The following ATF1 variants were observed in gnomAD, a reference collection of about 807,000 sequenced individuals.
ATF1 encodes cyclic AMP-dependent transcription factor ATF-1.
ATF1 carries 16 observed loss-of-function variants against 34.7 expected under a neutral mutation model. That is an observed-to-expected ratio of 0.46 (90% CI 0.31 to 0.70). ATF1 has a LOEUF of 0.70. Ranked by LOEUF, ATF1 falls within the 30% of genes least tolerant of loss-of-function variation. The probability of loss-of-function intolerance (pLI) is 0.05; values close to 1 mark genes in which losing one functional copy is unlikely to be tolerated. For synonymous variants in ATF1, 105 were observed against 113.1 expected (o/e 0.93, Z 0.46); for missense variants, 255 against 321.6 (o/e 0.79, Z 1.58).
intron 1 of ATF1, among the ~76,000 whole-genome samples, chr12:50,769,485 G>A (rs1285299044): frequency 1.3e-5 from 2 of 151,452 alleles, no homozygotes; most frequent in African/African-American, 4.9e-5. Flanking sequence ...TCCAGCCTGG[G>A]TGACAGAGCG....
intron 1 of ATF1, among the ~76,000 whole-genome samples, chr12:50,776,833 T>C (rs953884542): frequency 2.6e-5 from 4 of 152,290 alleles, no homozygotes; most frequent in South Asian, 2.1e-4. Context: ...ATACAATTTA[T>C]GCACATTCCC....
chr12:50,765,441 C>T (rs1270236150), intron 1 of ATF1, among the ~76,000 whole-genome samples: 3 of 152,184 alleles, frequency 2.0e-5, no homozygotes, highest in African/African-American at 4.8e-5. Context: ...CATTCCTACC[C>T]GATCACCAGC....
chr12:50,814,274 A>T lies in ATF1; in HGVS notation c.512-6A>T, dbSNP rs750462212. On this transcript the variant is annotated splice_polypyrimidine_tract_variant and splice_region_variant and intron_variant, in intron 5 of 6. Transcript: ENST00000262053. ...ACTAACTCATTCACTCTTGTTTACC[A>T]TCTAGCTGCATCAGGAGATATGCAA... is the stretch of plus-strand genomic sequence containing the variant. 2.2e-5 allele frequency: 35 copies of T among 1,614,018 alleles called. No individual in the cohort carries two copies. Among genetic ancestry groups the T allele is most frequent in the Non-Finnish European group, 3.0e-5 (35 of 1,180,008 alleles).
chr12:50,777,554 T>G (rs535999133), intron 1 of ATF1, among the ~76,000 whole-genome samples: 5 of 152,214 alleles, frequency 3.3e-5, no homozygotes, highest in Admixed American at 6.5e-5. Flanking sequence ...CAGACAGTAA[T>G]TACTTGAGCC....
chr12:50,766,657 T>TC (rs1940643584), intron 1 of ATF1, among the ~76,000 whole-genome samples: 1 of 69,756 alleles, frequency 1.4e-5, no homozygotes, highest in African/African-American at 5.6e-5. Context: ...CCCTCCCCCC[T>TC]CCCCCCATAA....
intron 2 of ATF1, among the ~76,000 whole-genome samples, chr12:50,789,474 G>A (rs1941255908): frequency 1.3e-5 from 2 of 152,042 alleles, no homozygotes; most frequent in Non-Finnish European, 2.9e-5. Context: ...GAAGTAGTAT[G>A]AAGTTCTGGC....
chr12:50,807,115 G>A lies in ATF1; in HGVS notation c.195-2341G>A, dbSNP rs190241093. Among the ~76,000 whole-genome samples the A allele has an allele frequency of 2.6e-5, 4 of 152,260 alleles. No homozygotes were observed. In the East Asian group the frequency reaches 5.8e-4, roughly 22 times the overall value. Reference sequence around the variant, plus strand: ...AAGTAGGGCATGGATATAGAATTGGGATTAGGCTTAAATTTCTTGCTGTGA... The same window carrying A: ...AAGTAGGGCATGGATATAGAATTGGAATTAGGCTTAAATTTCTTGCTGTGA... On this transcript the variant is annotated intron_variant, in intron 3 of 6. Transcript: ENST00000262053.
At chr12:50,781,578 G>GC (rs1157480105) in intron 2 of ATF1, among the ~76,000 whole-genome samples, 1 of 152,036 alleles carries the variant, frequency 6.6e-6, no homozygotes, top group Non-Finnish European at 1.5e-5. Flanking sequence ...AGCCTCCCGA[G>GC]TAGCTGGGAT....
chr12:50,789,386 G>A (rs950512731), intron 2 of ATF1, among the ~76,000 whole-genome samples: 6 of 151,912 alleles, frequency 3.9e-5, no homozygotes, highest in African/African-American at 1.2e-4. Context: ...ATTTTTATTT[G>A]TTCCTGCTCT....
intron 2 of ATF1, among the ~76,000 whole-genome samples, chr12:50,780,786 C>T (rs1368992501): frequency 6.6e-6 from 1 of 151,942 alleles, no homozygotes; most frequent in Non-Finnish European, 1.5e-5. Context: ...CATGGCGAAA[C>T]CCTGTCTCTA....
intron 1 of ATF1, among the ~76,000 whole-genome samples, chr12:50,768,271 C>T (rs1940688478): frequency 6.6e-6 from 1 of 152,166 alleles, no homozygotes; most frequent in Non-Finnish European, 1.5e-5. Context: ...CTATTCTCTT[C>T]TCCTCTGTGA....
intron 4 of ATF1, among the ~76,000 whole-genome samples, chr12:50,813,182 G>A (rs1188295830): frequency 6.6e-6 from 1 of 152,166 alleles, no homozygotes; most frequent in Non-Finnish European, 1.5e-5. Flanking sequence ...AAAAATGTTT[G>A]TGGGGAGCTA....
intron 3 of ATF1, among the ~76,000 whole-genome samples, chr12:50,796,298 G>A (rs118083436): frequency 0.017 from 2,664 of 152,314 alleles, 38 homozygotes; most frequent in Non-Finnish European, 0.027. Flanking sequence ...AGAGGCTAAG[G>A]CGGGAAGATG....
intron 1 of ATF1, among the ~76,000 whole-genome samples, chr12:50,777,433 A>T (rs562625987): frequency 6.6e-6 from 1 of 152,160 alleles, no homozygotes; most frequent in Non-Finnish European, 1.5e-5. Context: ...AAGCGATTTC[A>T]TGCTTTTCTC....
At chr12:50,805,860 A>C (rs2139683693) in intron 3 of ATF1, among the ~76,000 whole-genome samples, 1 of 152,116 alleles carries the variant, frequency 6.6e-6, no homozygotes, top group Admixed American at 6.5e-5. Context: ...GTGTTGAGAA[A>C]AAAAATAAAG....
chr12:50,802,642 G>C (rs1331818821), intron 3 of ATF1, among the ~76,000 whole-genome samples: 2 of 152,026 alleles, frequency 1.3e-5, no homozygotes, highest in Non-Finnish European at 2.9e-5. Flanking sequence ...GGAGGTCAAG[G>C]TGGGGCAGAT....
rs1228259826 is a variant in ATF1, at chr12:50,819,837, T to G, written c.*58T>G. 1 of 1,371,230 alleles carries G rather than the reference T, an allele frequency of 7.3e-7. No homozygotes were observed. Among genetic ancestry groups the G allele is most frequent in the Non-Finnish European group, 1.0e-6 (1 of 1,002,222 alleles). 84.9% of individuals were successfully genotyped at this position (1,371,230 alleles called of 1,614,324 possible). The stretch of plus-strand genomic sequence containing the variant: ...CATAAAAATTAAATGGATTTCCTAG[T>G]GGAGTTTTATAAATTAAAAGGTCAA... On this transcript the variant is annotated 3_prime_UTR_variant, in exon 7 of 7. Transcript: ENST00000262053.
At chr12:50,777,940 T>C (rs1337238797) in intron 1 of ATF1, among the ~76,000 whole-genome samples, 1 of 145,986 alleles carries the variant, frequency 6.8e-6, no homozygotes, top group African/African-American at 2.5e-5. Flanking sequence ...TACTATCTTT[T>C]TTTTTTTTTT....
chr12:50,803,224 C>T (rs1941548375), intron 3 of ATF1, among the ~76,000 whole-genome samples: 1 of 150,596 alleles, frequency 6.6e-6, no homozygotes, highest in African/African-American at 2.4e-5. Context: ...GCCGAGATCG[C>T]ACCACTGTGC....
Sources: gnomAD v4.1 joint callset for allele counts (sites outside exome capture counted in the v4.1 genomes callset) on GRCh38, gnomAD v4.1.1 for gene constraint, MANE v1.5 for transcripts, NCBI Gene and HGNC (gene_info 2026-07-23, HGNC 2026-07-21) for gene names.